Variants in GLT1D1 observed in about 807,000 individuals in gnomAD.
GLT1D1 encodes the protein glycosyltransferase 1 domain-containing protein 1.
In GLT1D1, 21 loss-of-function variants were observed where a neutral mutation model predicts 28.7. That is an observed-to-expected ratio of 0.73 (90% CI 0.52 to 1.05). GLT1D1 has a LOEUF of 1.05. GLT1D1 is among the 50% of genes least tolerant of loss of function. The pLI is 0.00. For missense variants in GLT1D1, 343 were observed against 330.6 expected (o/e 1.04, Z -0.29); for synonymous variants, 147 against 124.8 (o/e 1.18, Z -1.19).
chr12:128,915,124 C>T (rs1355502578), intron 4 of GLT1D1, 135 bp downstream of exon 6: 2 of 666,688 alleles, frequency 3.0e-6, no homozygotes, highest in African/African-American at 3.6e-5. Flanking sequence ...CTGTCTGCGG[C>T]TTCATGAGTA....
intron 7 of GLT1D1, among the ~76,000 whole-genome samples, chr12:128,963,721 T>C (rs1463776668): frequency 6.6e-6 from 1 of 152,180 alleles, no homozygotes; most frequent in Non-Finnish European, 1.5e-5. Context: ...CGCACAGTCA[T>C]GTTAGGCAGA....
intron 6 of GLT1D1, 93 bp from the exon 11 acceptor site, chr12:128,957,452 C>T (rs1033808900): frequency 9.1e-6 from 7 of 765,500 alleles, no homozygotes; most frequent in East Asian, 2.7e-5. Context: ...GTCCAGTTAA[C>T]CCAAGAAGTT....
rs756979442 is a variant in GLT1D1, at chr12:128,874,124, CTCTTTCTTTCTTTCTTTCTTTCTT to C, written c.69-1760_69-1737del. Among the ~76,000 whole-genome samples, 190 of 39,258 alleles carry C rather than the reference CTCTTTCTTTCTTTCTTTCTTTCTT, an allele frequency of 4.8e-3. 3 individuals are homozygous for C. The highest frequency in any genetic ancestry group is 0.034 in the Middle Eastern group (2 of 58). 25.8% of individuals were successfully genotyped at this position (39,258 alleles called of 152,430 possible). On this transcript the variant is annotated intron_variant, in intron 1 of 7. Coordinates refer to ENST00000281703, the MANE Select transcript of GLT1D1 (RefSeq NM_144669.3). ...TCTCTCTCTCTCTCTCTCTCTCTCTCTCTTTCTTTCTTTCTTTCTTTCTTTCTTTCTTTCTTTCTTTCTTTCTTT... is the reference window on the plus strand; with the variant it reads ...TCTCTCTCTCTCTCTCTCTCTCTCTCTCTTTCTTTCTTTCTTTCTTTCTTT...
chr12:128,912,302 GATT>G (rs1871620772), intron 4 of GLT1D1, 119 bp from the exon 5 acceptor site: 2 of 577,564 alleles, frequency 3.5e-6, no homozygotes, highest in Admixed American at 3.1e-5. Context: ...CTGTGTAGAT[GATT>G]CTCAGTGATG....
intron 4 of GLT1D1, among the ~76,000 whole-genome samples, chr12:128,922,500 C>T (rs1166611913): frequency 6.6e-6 from 1 of 152,196 alleles, no homozygotes; most frequent in Non-Finnish European, 1.5e-5. Flanking sequence ...ACCTCATATT[C>T]AAATGCCTAA....
chr12:128,935,063 G>C (rs183432174), intron 4 of GLT1D1, among the ~76,000 whole-genome samples: 31 of 152,262 alleles, frequency 2.0e-4, no homozygotes, highest in Non-Finnish European at 4.1e-4. Context: ...CCACCCTTTT[G>C]TGAGCCTGGA....
intron 6 of GLT1D1, among the ~76,000 whole-genome samples, chr12:128,953,791 G>T (rs994541520): frequency 2.0e-5 from 3 of 151,126 alleles, no homozygotes; most frequent in African/African-American, 4.9e-5. Context: ...TGTTGCCCAG[G>T]CTGGAGTGCA....
At chr12:128,950,446 C>G (rs1274337169) in intron 6 of GLT1D1, among the ~76,000 whole-genome samples, 1 of 152,184 alleles carries the variant, frequency 6.6e-6, no homozygotes, top group Non-Finnish European at 1.5e-5. Context: ...TCCATCGCCA[C>G]ATGACAAGCA....
intron 4 of GLT1D1, among the ~76,000 whole-genome samples, chr12:128,920,424 C>A (rs532352148): frequency 5.3e-5 from 8 of 152,128 alleles, no homozygotes; most frequent in African/African-American, 1.9e-4. Flanking sequence ...TGTGGTAGTG[C>A]ATGTCTGTAA....
At position 128,859,513 on chromosome 12, in the gene GLT1D1, C is replaced by T. The variant is rs150054416; in HGVS notation, c.68+5864C>T. Among the ~76,000 whole-genome samples, 1,255 of 152,286 alleles carry T rather than the reference C, an allele frequency of 8.2e-3. 12 individuals carry two copies. Among genetic ancestry groups the T allele is most frequent in the African/African-American group, 0.029 (1,188 of 41,566 alleles). On this transcript the variant is annotated intron_variant, in intron 1 of 7. Coordinates refer to ENST00000281703, the MANE Select transcript of GLT1D1 (RefSeq NM_144669.3). ...TGGGGGCTACTGGCATTGAGTGGGA[C>T]GCCACTCCACACCCTGTAGTGCACA...
At chr12:128,895,069 T>C (rs77624105) in intron 3 of GLT1D1, among the ~76,000 whole-genome samples, 1 of 152,092 alleles carries the variant, frequency 6.6e-6, no homozygotes, top group African/African-American at 2.4e-5. Flanking sequence ...ACTTTTCTAC[T>C]TTCTGGCATC....
At chr12:128,896,575 CTTT>C (rs60875245) in intron 3 of GLT1D1, among the ~76,000 whole-genome samples, 1 of 105,098 alleles carries the variant, frequency 9.5e-6, no homozygotes, top group African/African-American at 3.7e-5. Context: ...ATGACACATA[CTTT>C]TTTTTTTTTT....
intron 4 of GLT1D1, among the ~76,000 whole-genome samples, chr12:128,901,286 G>A (rs953841379): frequency 1.3e-5 from 2 of 151,974 alleles, no homozygotes; most frequent in Middle Eastern, 3.4e-3. Context: ...AATACATGTT[G>A]TTATTTTTTT....
At chr12:128,883,717 G>T (rs557764726) in intron 2 of GLT1D1, among the ~76,000 whole-genome samples, 8 of 152,166 alleles carry the variant, frequency 5.3e-5, no homozygotes, top group African/African-American at 1.9e-4. Context: ...AGACCCTTAC[G>T]TGGGTGGCTC....
At chr12:128,862,743 C>T (rs189991161) in intron 1 of GLT1D1, among the ~76,000 whole-genome samples, 1,618 of 152,304 alleles carry the variant, frequency 0.011, 17 homozygotes, top group Non-Finnish European at 0.015. Context: ...ACAGAGCCGG[C>T]GTCAGCAGTC....
intron 7 of GLT1D1, among the ~76,000 whole-genome samples, chr12:128,969,533 G>A (rs921124662): frequency 1.3e-5 from 2 of 152,190 alleles, no homozygotes; most frequent in Admixed American, 1.3e-4. Flanking sequence ...TGTGCACTGA[G>A]CTGCTGCGCG....
In GLT1D1 at chr12:128,932,126, G is replaced by A. The variant is rs149219926; in HGVS notation, c.376-13200G>A. On this transcript the variant is annotated intron_variant, in intron 4 of 7. Transcript: ENST00000281703. ...CGGGGGCGTGGGGCTGCATGAAGGT[G>A]CTGCCGGCTCCTGGCCGCGATGGAA... 2.1e-3 allele frequency among the ~76,000 whole-genome samples: 315 copies of A among 152,314 alleles called. 2 individuals carry two copies. Among genetic ancestry groups the A allele is most frequent in the African/African-American group, 6.7e-3 (278 of 41,576 alleles).
chr12:128,945,410 GCCTGAGTGGCC>G (rs1249406877), intron 5 of GLT1D1, 41 bp downstream of exon 9: 3 of 1,515,444 alleles, frequency 2.0e-6, no homozygotes, highest in Non-Finnish European at 2.8e-6. Context: ...AGAACGGGAA[GCCTGAGTGGCC>G]CCTGGGTTAC....
In GLT1D1 at chr12:128,922,162, CTGTGTG is replaced by C. The variant is rs57835879; in HGVS notation, c.375+22901_375+22906del. ...AGATCTTTTTCTGACTATGTAAACT[CTGTGTG>C]TGTGTGTGTGTGTGTGTGTGTGTGT... is the stretch of plus-strand genomic sequence containing the variant. On this transcript the variant is annotated intron_variant, in intron 4 of 7. Transcript: ENST00000281703. 1.5e-3 allele frequency among the ~76,000 whole-genome samples: 230 copies of C among 148,652 alleles called. 1 individual carries two copies. The East Asian group carries it at 0.023, about 15-fold the overall frequency.
Sources: allele counts gnomAD v4.1 joint callset (sites outside exome capture counted in the v4.1 genomes callset), GRCh38; gene constraint gnomAD v4.1.1; transcripts MANE v1.5; gene names NCBI Gene and HGNC (gene_info 2026-07-23, HGNC 2026-07-21).